The following DLC1 variants were observed in gnomAD, a reference collection of about 807,000 sequenced individuals.
DLC1 encodes the protein DLC1 Rho GTPase activating protein.
DLC1 carries 54 observed loss-of-function variants against 140.3 expected under a neutral mutation model. That is an observed-to-expected ratio of 0.38 (90% CI 0.31 to 0.48). DLC1 has a LOEUF of 0.48. Ranked by LOEUF, DLC1 falls within the 20% of genes least tolerant of loss-of-function variation. DLC1 has a pLI of 0.96. For missense variants in DLC1, 2,536 were observed against 1,907.0 expected (o/e 1.33, Z -6.14); for synonymous variants, 986 against 728.1 (o/e 1.35, Z -5.70).
intron 2 of DLC1, among the ~76,000 whole-genome samples, chr8:13,488,618 G>C (rs1334417793): frequency 6.6e-6 from 1 of 152,152 alleles, no homozygotes; most frequent in African/African-American, 2.4e-5. Context: ...CCAGCTGAGC[G>C]AAGACTTTTC....
chr8:13,550,796 G>T (rs906915130), intron 1 of DLC1, among the ~76,000 whole-genome samples: 3 of 152,014 alleles, frequency 2.0e-5, no homozygotes, highest in African/African-American at 7.2e-5. Flanking sequence ...GAGCTGTATG[G>T]CTAGAAAGAG....
At chr8:13,586,660 C>G (rs1238431327) in intron 1 of DLC1, among the ~76,000 whole-genome samples, 1 of 147,322 alleles carries the variant, frequency 6.8e-6, no homozygotes, top group African/African-American at 2.5e-5. Flanking sequence ...AGAAATAATA[C>G]AGAGAGACCC....
At chr8:13,352,911 A>T (rs1295562539) in intron 4 of DLC1, among the ~76,000 whole-genome samples, 1 of 152,198 alleles carries the variant, frequency 6.6e-6, no homozygotes, top group Non-Finnish European at 1.5e-5. Flanking sequence ...TGGAGAGGAT[A>T]AACAAAATCT....
chr8:13,387,080 G>T (rs113075264), intron 4 of DLC1, among the ~76,000 whole-genome samples: 273 of 152,028 alleles, frequency 1.8e-3, no homozygotes, highest in African/African-American at 5.9e-3. Flanking sequence ...TGAAGAAGTT[G>T]TCTAAACTTC....
rs143562687 is a variant in DLC1 at position 13,281,620 on chromosome 8, T to C, written c.1348+23649A>G. On this transcript the variant is annotated intron_variant, in intron 5 of 17. Coordinates refer to ENST00000276297, the MANE Select transcript of DLC1 (RefSeq NM_182643.3). ...AAAGCTTTACTGACAGGCCTGGTGA[T>C]CAAGGTTCAGAGACTTGCTCTACAA... Among the ~76,000 whole-genome samples, 615 of 152,304 alleles carry C rather than the reference T, an allele frequency of 4.0e-3. 6 individuals carry two copies. The highest frequency in any genetic ancestry group is 0.014 in the African/African-American group (590 of 41,564).
At chr8:13,458,113 G>T (rs993671152) in intron 2 of DLC1, among the ~76,000 whole-genome samples, 1 of 152,132 alleles carries the variant, frequency 6.6e-6, no homozygotes, top group Non-Finnish European at 1.5e-5. Flanking sequence ...TTTTATAAAA[G>T]AAAGTAGAAA....
intron 5 of DLC1, among the ~76,000 whole-genome samples, chr8:13,268,367 T>G (rs1317954625): frequency 6.6e-6 from 1 of 152,118 alleles, no homozygotes; most frequent in Non-Finnish European, 1.5e-5. Flanking sequence ...CAGGTTGGAG[T>G]GCAGTGGCGC....
At chr8:13,567,151 A>C (rs1045157915) in intron 1 of DLC1, 7 of 1,551,686 alleles carry the variant, frequency 4.5e-6, no homozygotes, top group Non-Finnish European at 5.2e-6. Context: ...CTCTGGGAGC[A>C]AACTGGAGAG....
chr8:13,506,320 CAT>C (rs1305750547), intron 1 of DLC1, among the ~76,000 whole-genome samples: 4 of 151,568 alleles, frequency 2.6e-5, no homozygotes, highest in Admixed American at 1.3e-4. Flanking sequence ...TAAATGAACA[CAT>C]GATTGACTCT....
chr8:13,145,796 A>G (rs923083226), intron 5 of DLC1, among the ~76,000 whole-genome samples: 4 of 152,258 alleles, frequency 2.6e-5, no homozygotes, highest in African/African-American at 9.6e-5. Flanking sequence ...TTTCAATTTA[A>G]TAAAATATGA....
At chr8:13,395,618 T>C (rs1586270183) in intron 3 of DLC1, among the ~76,000 whole-genome samples, 1 of 152,320 alleles carries the variant, frequency 6.6e-6, no homozygotes, top group East Asian at 1.9e-4. Flanking sequence ...ATTCTCACAA[T>C]AGAAGTAATT....
At chr8:13,312,386 A>AAAATAATAATAATAAT (rs71207139) in intron 4 of DLC1, among the ~76,000 whole-genome samples, 3 of 81,680 alleles carry the variant, frequency 3.7e-5, no homozygotes, top group Admixed American at 3.1e-4. Context: ...AAAAAAAAAA[A>AAAATAATAATAATAAT]AATAATTTCT....
At chr8:13,547,230 T>C (rs1803682794) in intron 1 of DLC1, among the ~76,000 whole-genome samples, 1 of 152,088 alleles carries the variant, frequency 6.6e-6, no homozygotes, top group Admixed American at 6.6e-5. Context: ...TTTTATGACC[T>C]TCTGAATATT....
rs1044664090 is a variant in DLC1, at chr8:13,479,835, G to A, written c.1023+19214C>T. Among the ~76,000 whole-genome samples, 322 of 39,398 alleles carry A rather than the reference G, an allele frequency of 8.2e-3. 33 individuals are homozygous for A. The highest frequency in any genetic ancestry group is 0.012 in the Non-Finnish European group (244 of 19,738). The allele number at this position is 39,398 out of a possible 152,430, so 25.8% of individuals were successfully genotyped here. A position where few individuals can be genotyped will look rare whatever the true frequency, so the allele number is the denominator to read the frequency against. On this transcript the variant is annotated intron_variant, in intron 2 of 17. Transcript: ENST00000276297. ...AGAAGAAGAAGAAGAAGAAGAAGAA[G>A]AAGAAGAAGAAGAAGAAGAAGAAGA...
At chr8:13,105,527 A>C (rs1318864833) in intron 7 of DLC1, among the ~76,000 whole-genome samples, 1 of 152,004 alleles carries the variant, frequency 6.6e-6, no homozygotes, top group Non-Finnish European at 1.5e-5. Flanking sequence ...ATCTTGTCTA[A>C]GTCCACACGA....
intron 16 of DLC1, 33 bp from the exon 17 acceptor site, chr8:13,086,496 G>C (rs193140829): frequency 1.1e-4 from 178 of 1,600,576 alleles, no homozygotes; most frequent in Non-Finnish European, 1.0e-5. Flanking sequence ...AGAAATGATG[G>C]AATTTCATAG....
intron 1 of DLC1, among the ~76,000 whole-genome samples, chr8:13,578,523 G>T (rs1253921995): frequency 2.0e-5 from 3 of 152,054 alleles, no homozygotes. Context: ...CTACAAGGCT[G>T]CCCCCACTGC....
chr8:13,279,028 A>G (rs1420852305), intron 5 of DLC1, among the ~76,000 whole-genome samples: 1 of 152,222 alleles, frequency 6.6e-6, no homozygotes, highest in Non-Finnish European at 1.5e-5. Flanking sequence ...TTGGTCTTAA[A>G]TTAATGACCA....
chr8:13,471,553 TAGAA>T (rs1245048781), intron 2 of DLC1, among the ~76,000 whole-genome samples: 3 of 144,908 alleles, frequency 2.1e-5, no homozygotes, highest in East Asian at 4.1e-4. Context: ...GAGGGAAAAA[TAGAA>T]AGAGAAGGAA....
Sources: allele counts gnomAD v4.1 joint callset (sites outside exome capture counted in the v4.1 genomes callset), GRCh38; gene constraint gnomAD v4.1.1; transcripts MANE v1.5; gene names NCBI Gene and HGNC (gene_info 2026-07-23, HGNC 2026-07-21).